ANAPC11: variants seen among roughly 807,000 people sequenced by gnomAD.
ANAPC11 encodes anaphase promoting complex subunit 11, also known as anaphase-promoting complex subunit 11.
A neutral mutation model predicts 11.8 loss-of-function variants in ANAPC11; 5 were observed. The ratio of observed to expected loss-of-function variants is 0.42; its 90% confidence interval spans 0.22 to 0.89. ANAPC11 has a LOEUF of 0.89. Among genes scored for constraint, ANAPC11 ranks in the 40% least tolerant of loss-of-function variants. ANAPC11 has a pLI of 0.28. For missense variants in ANAPC11, 68 were observed against 112.9 expected, an observed-to-expected ratio of 0.60 and a Z score of 1.80; for synonymous variants, 45 against 41.0, an observed-to-expected ratio of 1.10 and a Z score of -0.38.
At chr17:81,899,707 C>A (rs902981723) in intron 3 of ANAPC11, 2 of 985,874 alleles carry the variant, frequency 2.0e-6, no homozygotes, top group African/African-American at 3.3e-5. Flanking sequence ...GCCGCATGTC[C>A]GGTGTCCCTT....
At chr17:81,898,183 C>G (rs34747694) in intron 3 of ANAPC11, 5 of 152,262 alleles carry the variant, frequency 3.3e-5, no homozygotes, top group Admixed American at 2.0e-4. Context: ...GGCAGGCATT[C>G]GACTTCTGGA....
intron 3 of ANAPC11, among the ~76,000 whole-genome samples, chr17:81,896,744 C>CCTA (rs1028688511): frequency 2.6e-5 from 4 of 151,256 alleles, no homozygotes; most frequent in African/African-American, 9.7e-5. Flanking sequence ...CTCCAGCCAT[C>CCTA]CTACTGTCTC....
At chr17:81,896,454 T>C (rs2039745134) in intron 3 of ANAPC11, among the ~76,000 whole-genome samples, 1 of 151,972 alleles carries the variant, frequency 6.6e-6, no homozygotes, top group South Asian at 2.1e-4. Flanking sequence ...AAATGTTTGA[T>C]TATGTTTAGG....
intron 3 of ANAPC11, among the ~76,000 whole-genome samples, chr17:81,895,049 T>C (rs1317788278): frequency 2.1e-5 from 3 of 143,122 alleles, no homozygotes; most frequent in Non-Finnish European, 4.5e-5. Flanking sequence ...TTCTTTCTTT[T>C]CTTTTTTTTT....
chr17:81,895,596 G>T (rs1342185902), intron 3 of ANAPC11, among the ~76,000 whole-genome samples: 1 of 152,012 alleles, frequency 6.6e-6, no homozygotes, highest in Non-Finnish European at 1.5e-5. Context: ...GGATCACAAG[G>T]TCAAGAGATG....
intron 3 of ANAPC11, chr17:81,899,697 G>C: frequency 1.9e-6 from 2 of 1,029,982 alleles, no homozygotes; most frequent in Non-Finnish European, 2.8e-6. Context: ...CCGGGTGGAG[G>C]CCGCATGTCC....
upstream of ANAPC11, chr17:81,891,154 C>T: frequency 2.7e-6 from 1 of 372,138 alleles, no homozygotes; most frequent in Non-Finnish European, 4.8e-6. Context: ...AGAACGACCT[C>T]GCTCCCGCCC....
At chr17:81,894,434 A>C in intron 2 of ANAPC11, 33 bp from the exon 3 acceptor site, 1 of 1,367,958 alleles carries the variant, frequency 7.3e-7, no homozygotes. Context: ...TGCAGACTCA[A>C]TTTAGCCAGT....
chr17:81,897,882 C>T (rs2039796224), intron 3 of ANAPC11, among the ~76,000 whole-genome samples: 1 of 152,204 alleles, frequency 6.6e-6, no homozygotes, highest in African/African-American at 2.4e-5. Context: ...CACAGCCTCC[C>T]AAAGTGCTGG....
rs150665441 is a variant in ANAPC11 at position 81,895,447 on chromosome 17, T to C, written c.109+861T>C. On this transcript the variant is annotated intron_variant, in intron 3 of 3. Transcript: ENST00000344877. ...TATAAAGATCCTGTCACAGACTCCATAGGATGAAACTCAGCTGTGAAATAC... is the reference window on the plus strand; with the variant it reads ...TATAAAGATCCTGTCACAGACTCCACAGGATGAAACTCAGCTGTGAAATAC... 0.015 allele frequency among the ~76,000 whole-genome samples: 2,319 copies of C among 152,326 alleles called. 116 individuals are homozygous for C. In the East Asian group the frequency reaches 0.16, roughly 10 times the overall value.
chr17:81,898,785 G>GGAAT (rs2039830589), intron 3 of ANAPC11: 2 of 164,536 alleles, frequency 1.2e-5, no homozygotes. Context: ...AGCAGGTCCT[G>GGAAT]GAATGAGTCA....
intron 3 of ANAPC11, among the ~76,000 whole-genome samples, chr17:81,897,920 CAAATACTT>C (rs1375168799): frequency 2.6e-5 from 4 of 152,178 alleles, no homozygotes; most frequent in Non-Finnish European, 4.4e-5. Flanking sequence ...CTGGCCCGTA[CAAATACTT>C]TTTATTCTAG....
At chr17:81,900,374 A>C (rs1598306725), downstream of ANAPC11, 1 of 428,830 alleles carries the variant, frequency 2.3e-6, no homozygotes, top group Non-Finnish European at 4.2e-6. Context: ...TCAAACCCTG[A>C]GTCATGACTG....
chr17:81,900,200 A>C lies in ANAPC11; in HGVS notation c.*135A>C, dbSNP rs955744694. ...CTGGAGCTGCGTTTGTTTTGCCATCACTATGTTGACACTTTTATCCAATAA... is the reference window on the plus strand; with the variant it reads ...CTGGAGCTGCGTTTGTTTTGCCATCCCTATGTTGACACTTTTATCCAATAA... On this transcript the variant is annotated 3_prime_UTR_variant, in exon 4 of 4. Transcript: ENST00000344877. The C allele has an allele frequency of 1.2e-5, 16 of 1,350,940 alleles. No homozygotes were observed. In the East Asian group the frequency reaches 4.0e-4, roughly 34 times the overall value. The allele number at this position is 1,350,940 out of a possible 1,614,324, so 83.7% of individuals were successfully genotyped here.
intron 3 of ANAPC11, chr17:81,899,382 T>C (rs763194577): frequency 3.7e-6 from 6 of 1,613,860 alleles, no homozygotes; most frequent in East Asian, 2.2e-5. Context: ...ATCCCTGATG[T>C]CTAGGGAAGA....
chr17:81,899,039 C>A, intron 3 of ANAPC11: 2 of 612,194 alleles, frequency 3.3e-6, no homozygotes, highest in South Asian at 4.0e-5. Context: ...GTGGGCATGC[C>A]GTGGGGCCGG....
intron 3 of ANAPC11, chr17:81,898,598 T>G (rs2039822402): frequency 6.6e-6 from 1 of 152,522 alleles, no homozygotes; most frequent in Admixed American, 6.5e-5. Context: ...AGCACCAGGT[T>G]TCTTTTGCTA....
chr17:81,899,889 G>A, intron 3 of ANAPC11, 31 bp from the exon 4 acceptor site: 2 of 1,597,970 alleles, frequency 1.3e-6, no homozygotes, highest in Non-Finnish European at 1.7e-6. Context: ...GCCTGGTCAT[G>A]CCTGTCCTTT....
chr17:81,894,845 G>A lies in ANAPC11; in HGVS notation c.109+259G>A, dbSNP rs761336613. 2.0e-4 allele frequency: 78 copies of A among 385,566 alleles called. No homozygotes were observed. The Middle Eastern group carries it at 2.7e-3, about 13-fold the overall frequency. The allele number at this position is 385,566 out of a possible 1,614,324, so 23.9% of individuals were successfully genotyped here. On this transcript the variant is annotated intron_variant, in intron 3 of 3. Coordinates refer to ENST00000344877, the MANE Select transcript of ANAPC11 (RefSeq NM_001002248.3). ...CGGTTCTCCTGCCTCAGCCTTCCAA[G>A]CAGCTGGGATTACAGGCATGTGCCA...
Sources: allele counts gnomAD v4.1 joint callset (sites outside exome capture counted in the v4.1 genomes callset), GRCh38; gene constraint gnomAD v4.1.1; transcripts MANE v1.5; gene names NCBI Gene and HGNC (gene_info 2026-07-23, HGNC 2026-07-21).